The following SEMA4A variants were observed in gnomAD, a reference collection of about 807,000 sequenced individuals.
SEMA4A encodes semaphorin 4A.
In SEMA4A, 52 loss-of-function variants were observed where a neutral mutation model predicts 72.5. The observed-to-expected ratio is 0.72, with a 90% CI of 0.57 to 0.90. SEMA4A has a LOEUF of 0.90. SEMA4A is among the 40% of genes least tolerant of loss of function. SEMA4A has a pLI of 0.00. For missense variants in SEMA4A, 926 were observed against 959.7 expected, an observed-to-expected ratio of 0.96 and a Z score of 0.46; for synonymous variants, 369 against 393.1, an observed-to-expected ratio of 0.94 and a Z score of 0.73.
chr1:156,161,319 G>T (rs749535871), intron 8 of SEMA4A, 27 bp from the exon 9 acceptor site: 15 of 806,732 alleles, frequency 1.9e-5, no homozygotes, highest in East Asian at 8.7e-5. Flanking sequence ...CGCCCGGGGC[G>T]CCCCCTGACT....
At chr1:156,162,545 G>A (rs928208805) in intron 9 of SEMA4A, among the ~76,000 whole-genome samples, 2 of 152,338 alleles carry the variant, frequency 1.3e-5, no homozygotes, top group African/African-American at 2.4e-5. Flanking sequence ...GGCACTGGTC[G>A]GTTCTCTGAG....
At chr1:156,155,994 G>A (rs953104873) in intron 2 of SEMA4A, 4 of 260,582 alleles carry the variant, frequency 1.5e-5, no homozygotes, top group Admixed American at 4.8e-5. Flanking sequence ...GGGGGATGGC[G>A]AGAGGGACTC....
In SEMA4A at chr1:156,160,408, C is replaced by A. The variant is rs752705092; in HGVS notation, c.569-35C>A. On this transcript the variant is annotated intron_variant, in intron 6 of 14. Transcript: ENST00000368285. ...GTGGAGGGCAGAGGAACCCTCCACC[C>A]CATCAGTTCTCTCTTCTCCTCTCCT... is the stretch of plus-strand genomic sequence containing the variant. The A allele has an allele frequency of 2.4e-5, 36 of 1,524,666 alleles. 1 individual carries two copies. In the South Asian group the frequency reaches 3.9e-4, roughly 17 times the overall value. The allele number at this position is 1,524,666 out of a possible 1,614,324, so 94.4% of individuals were successfully genotyped here. A position where few individuals can be genotyped will look rare whatever the true frequency, so the allele number is the denominator to read the frequency against.
In SEMA4A at chr1:156,175,039, T is replaced by C. The variant is rs200545988; in HGVS notation, c.1435-47T>C. ...GGCCTGCACCAGCGTGCTGGGACTT[T>C]ACTAGATGTGGCTGGGGCTCCCTGA... On this transcript the variant is annotated intron_variant, in intron 12 of 14. Coordinates refer to ENST00000368285, the MANE Select transcript of SEMA4A (RefSeq NM_022367.4). 2.5e-6 allele frequency: 4 copies of C among 1,614,190 alleles called. No homozygotes were observed. In the African/African-American group the frequency reaches 5.3e-5, roughly 22 times the overall value.
chr1:156,167,604 G>T (rs1156961051), intron 10 of SEMA4A, among the ~76,000 whole-genome samples: 2 of 151,806 alleles, frequency 1.3e-5, no homozygotes, highest in Admixed American at 6.6e-5. Context: ...GGATCTTGAT[G>T]ATTGCATCTC....
At position 156,176,378 on chromosome 1, in the gene SEMA4A, C is replaced by G. The variant is rs1429884575; in HGVS notation, c.1694-27C>G. ...CTCCATCCTTCACTTCTCCCTTAACCCTTTTGCTCCTTTCTTTCTCCTACA... is the reference window on the plus strand; with the variant it reads ...CTCCATCCTTCACTTCTCCCTTAACGCTTTTGCTCCTTTCTTTCTCCTACA... On this transcript the variant is annotated intron_variant, in intron 14 of 14. Coordinates refer to ENST00000368285, the MANE Select transcript of SEMA4A (RefSeq NM_022367.4). 3 of 1,536,788 alleles carry G rather than the reference C, an allele frequency of 2.0e-6. No individual in the cohort carries two copies. The African/African-American group carries it at 4.1e-5, about 21-fold the overall frequency.
At chr1:156,148,208 G>A (rs1037382392), upstream of SEMA4A, among the ~76,000 whole-genome samples, 2 of 152,188 alleles carry the variant, frequency 1.3e-5, no homozygotes, top group Admixed American at 6.5e-5. Context: ...GGGTGTGAGG[G>A]CTTCCTGCAG....
chr1:156,158,355 G>A (rs199586445), intron 4 of SEMA4A, 33 bp from the exon 5 acceptor site: 1,246 of 1,551,150 alleles, frequency 8.0e-4, no homozygotes, highest in Non-Finnish European at 8.0e-4. Flanking sequence ...TGAGTCAGGT[G>A]GCCTGGAGAC....
chr1:156,175,111 G>A lies in SEMA4A; in HGVS notation c.1460G>A (p.Gly487Glu), dbSNP rs753673769. The change falls in exon 13 of 15, where the codon GGA becomes GAA. Residue 487 changes from glycine to glutamate, a missense_variant. Physicochemically the swap from Gly to Glu is moderately conservative, Grantham distance 98. Coordinates refer to ENST00000368285, the MANE Select transcript of SEMA4A (RefSeq NM_022367.4). ...GGTGCAGTGTTTGTAGGCTTCTCAG[G>A]AGGTGTCTGGAGGGTGCCCCGAGCC... ...TQGAVFVGFS[G>E]GVWRVPRANC... 9.9e-6 allele frequency: 16 copies of A among 1,614,156 alleles called. No homozygotes were observed. In the South Asian group the frequency reaches 1.8e-4, roughly 18 times the overall value.
chr1:156,175,499 C>T (rs1357108038), intron 13 of SEMA4A, 57 bp from the exon 14 acceptor site: 2 of 1,416,810 alleles, frequency 1.4e-6, no homozygotes, highest in African/African-American at 1.4e-5. Context: ...CTTCCTCCTT[C>T]CTCTTCCCAC....
chr1:156,156,280 A>G, intron 2 of SEMA4A, 134 bp from the exon 3 acceptor site: 1 of 778,488 alleles, frequency 1.3e-6, no homozygotes. Context: ...CTGCTGGTGG[A>G]GGAGAGTGCA....
At chr1:156,174,094 A>G (rs1655070625) in intron 11 of SEMA4A, among the ~76,000 whole-genome samples, 1 of 151,878 alleles carries the variant, frequency 6.6e-6, no homozygotes, top group African/African-American at 2.4e-5. Flanking sequence ...CTGGGTGACA[A>G]GAGTGAAAAT....
chr1:156,149,839 C>T (rs189365003), upstream of SEMA4A: 13 of 152,270 alleles, frequency 8.5e-5, no homozygotes, highest in East Asian at 2.5e-3. Context: ...CATCTGGAGC[C>T]CCTCCTCCTC....
In SEMA4A at chr1:156,157,837, C is replaced by T. The variant is rs1006063767; in HGVS notation, c.301-233C>T. Among the ~76,000 whole-genome samples the T allele has an allele frequency of 6.6e-6, 1 of 152,206 alleles. No individual in the cohort carries two copies. The highest frequency in any genetic ancestry group is 1.5e-5 in the Non-Finnish European group (1 of 68,036). ...GGAAATAGCCAAGTCTAGATTTAAA[C>T]TTGGGTCTGTCTGATTCCTTAGGCT... On this transcript the variant is annotated intron_variant, in intron 3 of 14. Coordinates refer to ENST00000368285, the MANE Select transcript of SEMA4A (RefSeq NM_022367.4). The surrounding 1 kb of genome is among the most constrained non-coding windows in gnomAD (Gnocchi z 4.5).
chr1:156,170,442 A>ATG (rs1654600579), intron 10 of SEMA4A, among the ~76,000 whole-genome samples: 9 of 128,440 alleles, frequency 7.0e-5, no homozygotes, highest in South Asian at 2.6e-4. Flanking sequence ...CAGCCTGGGC[A>ATG]ACAGAGCGAT....
chr1:156,176,359 C>A, intron 14 of SEMA4A, 46 bp from the exon 15 acceptor site: 2 of 1,413,874 alleles, frequency 1.4e-6, no homozygotes, highest in South Asian at 1.2e-5. Context: ...CTGTCTCCAT[C>A]CTTCACTTCT....
At position 156,176,750 on chromosome 1, in the gene SEMA4A, A is replaced by T; in HGVS notation, c.2039A>T (p.Tyr680Phe). 1 of 1,612,408 alleles carries T rather than the reference A, an allele frequency of 6.2e-7. No individual in the cohort carries two copies. Among genetic ancestry groups the T allele is most frequent in the Non-Finnish European group, 8.5e-7 (1 of 1,178,642 alleles). Residue 680 changes from tyrosine (Y) to phenylalanine (F), a missense_variant, in exon 15 of 15, where the codon TAC becomes TTC. By Grantham distance (22) the Tyr-to-Phe change is conservative. Transcript: ENST00000368285. ...GCCGCCCTGGCTGCCCAGCAGTCCT[A>T]CTGGCCCCACTTTGTCACTGTCACT... The part of the protein sequence containing the change: ...GGAALAAQQS[Y>F]WPHFVTVTVL...
At chr1:156,167,751 TG>T (rs1654311519) in intron 10 of SEMA4A, among the ~76,000 whole-genome samples, 1 of 152,174 alleles carries the variant, frequency 6.6e-6, no homozygotes, top group Non-Finnish European at 1.5e-5. Flanking sequence ...ATGCACGTAA[TG>T]CCTGGCAGCC....
At chr1:156,164,190 T>C (rs1232976052) in intron 10 of SEMA4A, among the ~76,000 whole-genome samples, 1 of 152,160 alleles carries the variant, frequency 6.6e-6, no homozygotes, top group East Asian at 1.9e-4. Context: ...ATCTATAGGG[T>C]TGACTATAAA....
Sources: allele counts gnomAD v4.1 joint callset (sites outside exome capture counted in the v4.1 genomes callset), GRCh38; gene constraint gnomAD v4.1.1; non-coding constraint Gnocchi (gnomAD v3.1); transcripts MANE v1.5; gene names NCBI Gene and HGNC (gene_info 2026-07-23, HGNC 2026-07-21).